CELF2: variants seen among roughly 807,000 people sequenced by gnomAD.
CELF2 encodes CUG triplet repeat RNA-binding protein 2.
CELF2 carries 8 observed loss-of-function variants against 62.6 expected under a neutral mutation model. That is an observed-to-expected ratio of 0.13 (90% confidence interval 0.07 to 0.23). The LOEUF (loss-of-function observed/expected upper bound fraction) is 0.23, where lower values mean the gene tolerates loss of function less well. Ranked by LOEUF, CELF2 falls within the 10% of genes least tolerant of loss-of-function variation. The pLI is 1.00. For synonymous variants in CELF2, 258 were observed against 250.0 expected (o/e 1.03, Z -0.30); for missense variants, 333 against 671.0 (o/e 0.50, Z 5.56).
the CELF2 span, among the ~76,000 whole-genome samples, chr10:10,719,618 T>G: frequency 1.3e-5 from 2 of 152,142 alleles, no homozygotes; most frequent in African/African-American, 4.8e-5. Context: ...AGCACTCTCT[T>G]CAGTTTCCTG....
intron 2 of CELF2, among the ~76,000 whole-genome samples, chr10:11,209,886 C>A (rs1201439701): frequency 6.6e-6 from 1 of 152,148 alleles, no homozygotes; most frequent in Non-Finnish European, 1.5e-5. Flanking sequence ...CCTCTTTTGA[C>A]TTAAACTGGC....
the CELF2 span, among the ~76,000 whole-genome samples, chr10:10,619,912 C>T: frequency 7.9e-5 from 12 of 152,030 alleles, no homozygotes; most frequent in South Asian, 1.7e-3. Flanking sequence ...GTTGAAGAGA[C>T]GAACGGAAGG....
chr10:10,485,542 G>A, the CELF2 span, among the ~76,000 whole-genome samples: 3 of 152,320 alleles, frequency 2.0e-5, no homozygotes, highest in Admixed American at 6.5e-5. Context: ...TTCCTCTTAA[G>A]AAATGTGAGG....
intron 8 of CELF2, among the ~76,000 whole-genome samples, chr10:11,284,725 A>G (rs1035107362): frequency 1.4e-5 from 2 of 141,346 alleles, no homozygotes; most frequent in African/African-American, 5.4e-5. Context: ...TGAGAGGATA[A>G]TGGATGGATG....
At chr10:11,271,809 T>C (rs2083900577) in intron 7 of CELF2, among the ~76,000 whole-genome samples, 1 of 152,128 alleles carries the variant, frequency 6.6e-6, no homozygotes, top group Admixed American at 6.5e-5. Flanking sequence ...TGTCACCCAT[T>C]GGCTTTACTT....
the CELF2 span, among the ~76,000 whole-genome samples, chr10:10,493,459 AT>A: frequency 5.3e-5 from 8 of 152,104 alleles, no homozygotes; most frequent in Non-Finnish European, 8.8e-5. Context: ...CCAAAAAAAA[AT>A]AAGTTTCACA....
At chr10:11,273,963 T>TCC (rs1327067763) in intron 7 of CELF2, among the ~76,000 whole-genome samples, 5 of 16,764 alleles carry the variant, frequency 3.0e-4, no homozygotes, top group African/African-American at 6.7e-4. Flanking sequence ...CCTCAAGTGA[T>TCC]CCCCACCCCC....
At position 11,268,920 on chromosome 10, in the gene CELF2, G is replaced by A. The variant is rs1260904226; in HGVS notation, c.619-1746G>A. On this transcript the variant is annotated intron_variant, in intron 6 of 12. Transcript: ENST00000633077. This position sits in a 1 kb window ranked among gnomAD's most constrained non-coding sequence, Gnocchi z 4.7. ...TATCGTGCCTTCTGTTTCTCCACTT[G>A]CCTTCACTCTATCCCTGCCCTGTGT... 6.6e-6 allele frequency among the ~76,000 whole-genome samples: 1 copy of A among 151,952 alleles called. No homozygotes were observed. Among genetic ancestry groups the A allele is most frequent in the Non-Finnish European group, 1.5e-5 (1 of 68,002 alleles).
the CELF2 span, among the ~76,000 whole-genome samples, chr10:10,501,385 A>G: frequency 1.3e-5 from 2 of 152,090 alleles, no homozygotes; most frequent in Non-Finnish European, 1.5e-5. Context: ...TCAGGTGCTT[A>G]TTTGACTTCC....
At chr10:11,275,157 T>C (rs200955782) in intron 8 of CELF2, 37 bp downstream of exon 8, 1 of 1,607,982 alleles carries the variant, frequency 6.2e-7, no homozygotes. Context: ...TTGACCGTGC[T>C]ATTGTCAGAA....
chr10:10,644,413 G>A, the CELF2 span, among the ~76,000 whole-genome samples: 1 of 151,768 alleles, frequency 6.6e-6, no homozygotes, highest in African/African-American at 2.4e-5. Flanking sequence ...GTGTGTGTGT[G>A]TGTGTGTGTG....
At chr10:10,850,412 A>C (rs549709697) in intron 1 of CELF2, among the ~76,000 whole-genome samples, 51 of 152,310 alleles carry the variant, frequency 3.3e-4, no homozygotes, top group African/African-American at 1.2e-3. Flanking sequence ...ATGAATTGCC[A>C]AGACATGGCC....
chr10:11,119,294 C>T (rs1443981869), intron 1 of CELF2, among the ~76,000 whole-genome samples: 5 of 152,178 alleles, frequency 3.3e-5, no homozygotes, highest in Non-Finnish European at 7.3e-5. Flanking sequence ...AGTAGATAGG[C>T]GTCCTGAAAG....
chr10:10,550,037 C>A, the CELF2 span, among the ~76,000 whole-genome samples: 1 of 152,144 alleles, frequency 6.6e-6, no homozygotes, highest in African/African-American at 2.4e-5. Context: ...TGACTCCCTG[C>A]ACAATTGAAA....
the CELF2 span, among the ~76,000 whole-genome samples, chr10:10,562,243 T>C: frequency 2.6e-5 from 4 of 152,176 alleles, no homozygotes; most frequent in African/African-American, 4.8e-5. Flanking sequence ...AATCCCCTTG[T>C]GTAGATGGTG....
At chr10:10,696,510 T>G in the CELF2 span, among the ~76,000 whole-genome samples, 15 of 152,022 alleles carry the variant, frequency 9.9e-5, no homozygotes, top group East Asian at 3.9e-4. Flanking sequence ...GCAGGCCTCC[T>G]TGAGCTGTGG....
the CELF2 span, among the ~76,000 whole-genome samples, chr10:10,687,855 A>G: frequency 6.6e-6 from 1 of 152,242 alleles, no homozygotes. Context: ...TGAGAAAGAA[A>G]AATGATCAGA....
intron 5 of CELF2, among the ~76,000 whole-genome samples, chr10:11,265,575 T>G (rs1369407208): frequency 3.3e-5 from 5 of 152,244 alleles, no homozygotes; most frequent in Non-Finnish European, 7.3e-5. Flanking sequence ...TTTCACAGTC[T>G]TTTTCTCTAA....
chr10:11,327,213 C>A (rs3847422), intron 12 of CELF2, among the ~76,000 whole-genome samples: 1 of 149,052 alleles, frequency 6.7e-6, no homozygotes, highest in Non-Finnish European at 1.5e-5. Flanking sequence ...GGGGGTGTGT[C>A]TGAGCAGGAG....
Sources: allele counts gnomAD v4.1 joint callset (sites outside exome capture counted in the v4.1 genomes callset), GRCh38; gene constraint gnomAD v4.1.1; non-coding constraint Gnocchi (gnomAD v3.1); transcripts MANE v1.5; gene names NCBI Gene and HGNC (gene_info 2026-07-23, HGNC 2026-07-21).